Variants in NEDD4L observed in about 807,000 individuals in gnomAD.
NEDD4L encodes the protein NEDD4 like E3 ubiquitin protein ligase.
A neutral mutation model predicts 148.9 loss-of-function variants in NEDD4L; 54 were observed. The ratio of observed to expected loss-of-function variants is 0.36; its 90% CI spans 0.29 to 0.45. The LOEUF (loss-of-function observed/expected upper bound fraction) is 0.45. Among genes scored for constraint, NEDD4L ranks in the 20% least tolerant of loss-of-function variants. The probability of loss-of-function intolerance (pLI) is 1.00; values close to 1 mark genes in which losing one functional copy is unlikely to be tolerated. For missense variants in NEDD4L, 856 were observed against 1,233.8 expected, an observed-to-expected ratio of 0.69 and a Z score of 4.59; for synonymous variants, 433 against 440.7, an observed-to-expected ratio of 0.98 and a Z score of 0.22.
At chr18:58,085,127 C>T (rs2083691793) in intron 1 of NEDD4L, among the ~76,000 whole-genome samples, 1 of 152,190 alleles carries the variant, frequency 6.6e-6, no homozygotes, top group South Asian at 2.1e-4. Context: ...GTCCCAGTCT[C>T]CAAATACAGT....
At chr18:58,165,698 G>T in intron 1 of NEDD4L, 90 bp from the exon 2 acceptor site, 1 of 1,509,618 alleles carries the variant, frequency 6.6e-7, no homozygotes, top group South Asian at 1.2e-5. Context: ...ATACTGGACT[G>T]AGTAGAAATC....
At chr18:58,069,986 C>A (rs1262532739) in intron 1 of NEDD4L, among the ~76,000 whole-genome samples, 1 of 152,130 alleles carries the variant, frequency 6.6e-6, no homozygotes, top group Non-Finnish European at 1.5e-5. Flanking sequence ...GTCTGTTAAA[C>A]CACTGGAAGG....
intron 1 of NEDD4L, among the ~76,000 whole-genome samples, chr18:58,161,221 G>A (rs2146517294): frequency 6.6e-6 from 1 of 152,030 alleles, no homozygotes; most frequent in African/African-American, 2.4e-5. Context: ...GTAGAGACAG[G>A]GTTTTCACCA....
intron 5 of NEDD4L, among the ~76,000 whole-genome samples, chr18:58,303,551 T>G (rs1431100806): frequency 6.6e-6 from 1 of 152,192 alleles, no homozygotes; most frequent in Non-Finnish European, 1.5e-5. Context: ...GGTCTCAGCT[T>G]CTTGGGGATT....
rs1325796658 is a variant in NEDD4L, at chr18:58,255,773, C to T, written c.297+3719C>T. On this transcript the variant is annotated intron_variant, in intron 5 of 30. Coordinates refer to ENST00000400345, the MANE Select transcript of NEDD4L (RefSeq NM_001144967.3). ...CACCCTACCGCGGAGAAGCAGCCCG[C>T]ACCCCTTCGCCCAGAACGGAGGGGA... 3 of 1,232,462 alleles carry T rather than the reference C, an allele frequency of 2.4e-6. No individual in the cohort carries two copies. The African/African-American group carries it at 4.7e-5, about 19-fold the overall frequency. 76.3% of individuals were successfully genotyped at this position (1,232,462 alleles called of 1,614,324 possible).
At chr18:58,277,886 T>TG (rs1480615157) in intron 5 of NEDD4L, among the ~76,000 whole-genome samples, 1 of 152,224 alleles carries the variant, frequency 6.6e-6, no homozygotes, top group Non-Finnish European at 1.5e-5. Flanking sequence ...CAGGTTGGAC[T>TG]GGCTAGGCTA....
chr18:58,393,853 A>AG (rs1001572707), intron 30 of NEDD4L, among the ~76,000 whole-genome samples: 2 of 152,216 alleles, frequency 1.3e-5, no homozygotes, highest in Non-Finnish European at 2.9e-5. Context: ...CTCTGTGATG[A>AG]GGGTACCTTT....
At chr18:58,340,421 G>A (rs1254251236) in intron 13 of NEDD4L, among the ~76,000 whole-genome samples, 2 of 152,154 alleles carry the variant, frequency 1.3e-5, no homozygotes, top group African/African-American at 2.4e-5. Context: ...TGTGAGGCTG[G>A]GTGCTGGGAG....
At chr18:58,160,262 G>T (rs2146497538) in intron 1 of NEDD4L, among the ~76,000 whole-genome samples, 1 of 152,362 alleles carries the variant, frequency 6.6e-6, no homozygotes, top group African/African-American at 2.4e-5. Flanking sequence ...TCTCGCAACT[G>T]AACCTTCAGA....
intron 11 of NEDD4L, 123 bp downstream of exon 11, chr18:58,331,037 T>C (rs2059747451): frequency 1.1e-6 from 1 of 919,636 alleles, no homozygotes. Flanking sequence ...ACTCTGACAT[T>C]TTCCAAAGTT....
intron 5 of NEDD4L, among the ~76,000 whole-genome samples, chr18:58,315,365 T>TA: frequency 6.6e-6 from 1 of 151,988 alleles, no homozygotes; most frequent in Non-Finnish European, 1.5e-5. Flanking sequence ...TCGGGAGAGA[T>TA]ACGTGCAGTA....
intron 1 of NEDD4L, among the ~76,000 whole-genome samples, chr18:58,088,580 G>A (rs1419286175): frequency 6.6e-6 from 1 of 152,088 alleles, no homozygotes; most frequent in African/African-American, 2.4e-5. Flanking sequence ...TATGCCCTCT[G>A]CTTTTATTAG....
chr18:58,341,835 C>T, intron 15 of NEDD4L, 38 bp downstream of exon 15: 1 of 1,593,856 alleles, frequency 6.3e-7, no homozygotes, highest in African/African-American at 1.3e-5. Flanking sequence ...CTCACTCTGT[C>T]CTGTGACTCC....
chr18:58,284,566 G>A (rs571151793), intron 5 of NEDD4L, among the ~76,000 whole-genome samples: 2 of 121,522 alleles, frequency 1.6e-5, no homozygotes, highest in Admixed American at 8.0e-5. Context: ...AGAGTTATAC[G>A]AATAGAAGTA....
chr18:58,309,248 C>G (rs1407731665), intron 5 of NEDD4L, among the ~76,000 whole-genome samples: 1 of 152,194 alleles, frequency 6.6e-6, no homozygotes, highest in Non-Finnish European at 1.5e-5. Flanking sequence ...GAGCCCTCAG[C>G]CGGATGCTCC....
At chr18:58,197,287 C>G (rs1309120722) in intron 2 of NEDD4L, among the ~76,000 whole-genome samples, 1 of 152,172 alleles carries the variant, frequency 6.6e-6, no homozygotes, top group Non-Finnish European at 1.5e-5. Flanking sequence ...AATTCCTTAC[C>G]TGTAAGCTGC....
intron 2 of NEDD4L, among the ~76,000 whole-genome samples, chr18:58,173,008 A>G (rs906478284): frequency 3.3e-5 from 5 of 152,182 alleles, no homozygotes; most frequent in African/African-American, 1.2e-4. Flanking sequence ...TTTGAATTGG[A>G]GTATCATCAA....
In NEDD4L at chr18:58,165,840, A is replaced by G. The variant is rs2146618039; in HGVS notation, c.101A>G (p.Lys34Arg). Residue 34 changes from lysine (K) to arginine (R), a missense_variant, in exon 2 of 31, where the codon AAA becomes AGA. Around this residue, in one of 4 missense-constraint regions of NEDD4L, gnomAD observed 193 missense variants for 244.2 expected, o/e 0.79. Coordinates refer to ENST00000400345, the MANE Select transcript of NEDD4L (RefSeq NM_001144967.3). ...GTTGTTTCTGGAATTGATCTCGCCA[A>G]AAAGGACATCTTTGGAGCCAGGTAT... The part of the protein sequence containing the change: ...VKVVSGIDLA[K>R]KDIFGASDPY... 1 of 1,610,426 alleles carries G rather than the reference A, an allele frequency of 6.2e-7. No individual in the cohort carries two copies. The highest frequency in any genetic ancestry group is 1.1e-5 in the South Asian group (1 of 90,034).
intron 24 of NEDD4L, among the ~76,000 whole-genome samples, chr18:58,377,742 T>G (rs985336286): frequency 6.6e-6 from 1 of 151,800 alleles, no homozygotes; most frequent in Non-Finnish European, 1.5e-5. Context: ...GTTATGGGTT[T>G]GTTTGTTTGT....
Sources: allele counts gnomAD v4.1 joint callset (sites outside exome capture counted in the v4.1 genomes callset), GRCh38; gene constraint gnomAD v4.1.1; regional missense constraint gnomAD v4.1.1; transcripts MANE v1.5; gene names NCBI Gene and HGNC (gene_info 2026-07-23, HGNC 2026-07-21).